Variants in ANKRD36B observed in about 807,000 individuals in gnomAD.
The protein encoded by ANKRD36B is ankyrin repeat domain-containing protein 36B.
ANKRD36B carries 37 observed loss-of-function variants against 135.7 expected under a neutral mutation model. The observed-to-expected ratio is 0.27, with a 90% confidence interval of 0.21 to 0.36. The LOEUF is 0.36. Ranked by LOEUF, ANKRD36B falls within the 10% of genes least tolerant of loss-of-function variation. The pLI is 1.00. For synonymous variants in ANKRD36B, 179 were observed against 348.1 expected (o/e 0.51, Z 5.41); for missense variants, 549 against 1,037.1 (o/e 0.53, Z 6.46).
At chr2:97,546,287 C>T (rs2079455229) in intron 22 of ANKRD36B, among the ~76,000 whole-genome samples, 1 of 151,692 alleles carries the variant, frequency 6.6e-6, no homozygotes, top group Non-Finnish European at 1.5e-5. Context: ...ATTCATCATG[C>T]TCTTTAATTT....
intron 6 of ANKRD36B, among the ~76,000 whole-genome samples, chr2:97,573,956 A>G (rs2082058485): frequency 6.6e-6 from 1 of 152,178 alleles, no homozygotes; most frequent in South Asian, 2.1e-4. Flanking sequence ...CCTAGGCAAT[A>G]CCATTCAGGA....
In ANKRD36B at chr2:97,547,706, C is replaced by T; in HGVS notation, c.1503G>A (p.Leu501=). 2 of 1,561,462 alleles carry T rather than the reference C, an allele frequency of 1.3e-6. No homozygotes were observed. The highest frequency in any genetic ancestry group is 1.7e-6 in the Non-Finnish European group (2 of 1,150,680). The change falls in exon 21 of 44, where the codon TTG becomes TTA. Residue 501 remains leucine, a synonymous_variant. Coordinates refer to ENST00000359901, the MANE Select transcript of ANKRD36B (RefSeq NM_001393939.1). ...RTVSFEQPPG[L]KATRDEKDSL... Reference sequence around the variant, plus strand: ...ATATAAATGACAGTTTCATTACCTTCAAGCCTGGTGGTTGCTCAAAAGACA... The same window carrying T: ...ATATAAATGACAGTTTCATTACCTTTAAGCCTGGTGGTTGCTCAAAAGACA...
intron 3 of ANKRD36B, among the ~76,000 whole-genome samples, 175 bp downstream of exon 3, chr2:97,584,769 G>C (rs1159791349): frequency 7.3e-6 from 1 of 137,740 alleles, no homozygotes; most frequent in East Asian, 2.1e-4. Context: ...TCCCTATAAT[G>C]CTTCTTTAAA....
At chr2:97,563,624 T>C (rs1286650320) in intron 6 of ANKRD36B, among the ~76,000 whole-genome samples, 1 of 152,082 alleles carries the variant, frequency 6.6e-6, no homozygotes, top group Non-Finnish European at 1.5e-5. Flanking sequence ...AGAGGACAAG[T>C]AACACTTTGA....
Position 97,545,349 on chromosome 2 carries a change from C to G in ANKRD36B, c.1681+317G>C, listed in dbSNP as rs1014962575. On this transcript the variant is annotated intron_variant, in intron 24 of 43. Coordinates refer to ENST00000359901, the MANE Select transcript of ANKRD36B (RefSeq NM_001393939.1). ...CTAATATCTATTATTTCATCTCTTT[C>G]TCTTTCCCCTCTTGATGGAAACATG... Among the ~76,000 whole-genome samples, 2 of 95,136 alleles carry G rather than the reference C, an allele frequency of 2.1e-5. 1 individual carries two copies. Among genetic ancestry groups the G allele is most frequent in the Non-Finnish European group, 5.6e-5 (2 of 35,592 alleles). The allele number at this position is 95,136 out of a possible 152,430, so 62.4% of individuals were successfully genotyped here. A position where few individuals can be genotyped will look rare whatever the true frequency, so the allele number is the denominator to read the frequency against.
chr2:97,565,737 C>T (rs1281930927), intron 6 of ANKRD36B, among the ~76,000 whole-genome samples: 2 of 152,076 alleles, frequency 1.3e-5, no homozygotes, highest in Non-Finnish European at 2.9e-5. Context: ...AATAGGAATG[C>T]TTTTACACTG....
chr2:97,571,741 T>C (rs1424653285), intron 6 of ANKRD36B, among the ~76,000 whole-genome samples: 1 of 131,520 alleles, frequency 7.6e-6, no homozygotes, highest in Non-Finnish European at 1.5e-5. Flanking sequence ...TTGGATATAA[T>C]ACTTACTATC....
At position 97,553,389 on chromosome 2, in the gene ANKRD36B, T is replaced by A. The variant is rs760895820; in HGVS notation, c.1172-18A>T. ...AGAAGACACTGAAAAGCAAAAGGGA[T>A]ACATAATCACTCATATGTAAATATG... is the stretch of plus-strand genomic sequence containing the variant. On this transcript the variant is annotated intron_variant, in intron 14 of 43. Coordinates refer to ENST00000359901, the MANE Select transcript of ANKRD36B (RefSeq NM_001393939.1). 3.1e-6 allele frequency: 5 copies of A among 1,607,112 alleles called. No homozygotes were observed. The highest frequency in any genetic ancestry group is 4.3e-6 in the Non-Finnish European group (5 of 1,176,388).
chr2:97,556,592 C>G (rs2080547455), intron 12 of ANKRD36B, among the ~76,000 whole-genome samples: 1 of 151,836 alleles, frequency 6.6e-6, no homozygotes, highest in Admixed American at 6.6e-5. Flanking sequence ...CATCTGACAT[C>G]TATAATTTCT....
At position 97,534,009 on chromosome 2, in the gene ANKRD36B, T is replaced by C. The variant is rs1199010767; in HGVS notation, c.2192-1625A>G. Among the ~76,000 whole-genome samples, 2 of 91,458 alleles carry C rather than the reference T, an allele frequency of 2.2e-5. 1 individual carries two copies. Among genetic ancestry groups the C allele is most frequent in the Non-Finnish European group, 5.8e-5 (2 of 34,602 alleles). 60.0% of individuals were successfully genotyped at this position (91,458 alleles called of 152,430 possible). Reference sequence around the variant, plus strand: ...AGGTAGAGGTTGCAATGAGCCGAGATTGTGCCATTGCACTCCAGGCTGGGA... The same window carrying C: ...AGGTAGAGGTTGCAATGAGCCGAGACTGTGCCATTGCACTCCAGGCTGGGA... On this transcript the variant is annotated intron_variant, in intron 34 of 43. Coordinates refer to ENST00000359901, the MANE Select transcript of ANKRD36B (RefSeq NM_001393939.1).
At position 97,495,947 on chromosome 2, in the gene ANKRD36B, T is replaced by C. The variant is rs1576747096; in HGVS notation, c.*7-3092A>G. On this transcript the variant is annotated intron_variant, in intron 43 of 43. Coordinates refer to ENST00000359901, the MANE Select transcript of ANKRD36B (RefSeq NM_001393939.1). ...TTGTAAGCCACATTAGCCCCCATGATGCCAGTATTTAAATACAAAGCTAGA... is the reference window on the plus strand; with the variant it reads ...TTGTAAGCCACATTAGCCCCCATGACGCCAGTATTTAAATACAAAGCTAGA... Among the ~76,000 whole-genome samples, 2 of 107,052 alleles carry C rather than the reference T, an allele frequency of 1.9e-5. 1 individual carries two copies. The highest frequency in any genetic ancestry group is 4.3e-4 in the East Asian group (2 of 4,702). 70.2% of individuals were successfully genotyped at this position (107,052 alleles called of 152,430 possible). A position where few individuals can be genotyped will look rare whatever the true frequency, so the allele number is the denominator to read the frequency against.
intron 33 of ANKRD36B, 38 bp downstream of exon 33, chr2:97,536,430 C>T (rs1223617147): frequency 1.1e-6 from 1 of 882,542 alleles, no homozygotes; most frequent in Admixed American, 2.4e-5. Context: ...ATAGGTTATG[C>T]AGTTAATAAT....
intron 16 of ANKRD36B, among the ~76,000 whole-genome samples, chr2:97,552,686 G>A (rs1355646295): frequency 3.3e-5 from 5 of 151,852 alleles, no homozygotes; most frequent in Admixed American, 2.6e-4. Flanking sequence ...CCTCCTTCCT[G>A]CCTGACAATC....
At position 97,538,420 on chromosome 2, in the gene ANKRD36B, C is replaced by T. The variant is rs2442233; in HGVS notation, c.1988-57G>A. 7.9e-6 allele frequency: 7 copies of T among 890,332 alleles called. 2 individuals are homozygous for T. The East Asian group carries it at 8.3e-5, about 11-fold the overall frequency. The allele number at this position is 890,332 out of a possible 1,614,324, so 55.2% of individuals were successfully genotyped here. ...TATGTAAATATGATAAAGTTATCCA[C>T]ACATTCATGCAGTGTTAGCATCAAG... On this transcript the variant is annotated intron_variant, in intron 30 of 43. Coordinates refer to ENST00000359901, the MANE Select transcript of ANKRD36B (RefSeq NM_001393939.1).
intron 5 of ANKRD36B, among the ~76,000 whole-genome samples, chr2:97,578,643 GACA>G (rs775563263): frequency 3.8e-4 from 58 of 152,116 alleles, no homozygotes; most frequent in Admixed American, 7.9e-4. Context: ...AAATAAAATG[GACA>G]ACATTGGAAT....
rs2080759013 is a variant in ANKRD36B, at chr2:97,558,779, A to G, written c.967+20T>C. ...TCTATCTTGACTGAACATGACATTA[A>G]ATGTGTTTTGCAAAATTACCTGTCC... On this transcript the variant is annotated intron_variant, in intron 10 of 43. Coordinates refer to ENST00000359901, the MANE Select transcript of ANKRD36B (RefSeq NM_001393939.1). The G allele has an allele frequency of 1.9e-6, 3 of 1,610,768 alleles. No homozygotes were observed. The highest frequency in any genetic ancestry group is 4.5e-5 in the East Asian group (2 of 44,764).
Position 97,560,892 on chromosome 2 carries a change from T to C in ANKRD36B, c.764-32A>G, listed in dbSNP as rs773461291. ...AGCAAAAGGGATACATAATCAATCA[T>C]ATGTAAATATGATAATGTTATCCAT... On this transcript the variant is annotated intron_variant, in intron 6 of 43. Transcript: ENST00000359901. 6 of 1,526,602 alleles carry C rather than the reference T, an allele frequency of 3.9e-6. No homozygotes were observed. The South Asian group carries it at 4.6e-5, about 12-fold the overall frequency. 94.6% of individuals were successfully genotyped at this position (1,526,602 alleles called of 1,614,324 possible). A position where few individuals can be genotyped will look rare whatever the true frequency, so the allele number is the denominator to read the frequency against.
At chr2:97,571,062 AC>A (rs2081819129) in intron 6 of ANKRD36B, among the ~76,000 whole-genome samples, 1 of 152,214 alleles carries the variant, frequency 6.6e-6, no homozygotes, top group African/African-American at 2.4e-5. Context: ...TCCTATTTTA[AC>A]CAGAATAAAA....
chr2:97,552,397 T>C (rs952612106), intron 16 of ANKRD36B, among the ~76,000 whole-genome samples: 3 of 151,956 alleles, frequency 2.0e-5, no homozygotes, highest in African/African-American at 7.2e-5. Flanking sequence ...ATCCAAGAGG[T>C]AGCTCCTTCA....
Sources: allele counts gnomAD v4.1 joint callset (sites outside exome capture counted in the v4.1 genomes callset), GRCh38; gene constraint gnomAD v4.1.1; transcripts MANE v1.5; gene names NCBI Gene and HGNC (gene_info 2026-07-23, HGNC 2026-07-21).